Variants in TMTC2 observed in about 807,000 individuals in gnomAD.
The protein encoded by TMTC2 is transmembrane O-mannosyltransferase targeting cadherins 2.
In TMTC2, 43 loss-of-function variants were observed where a neutral mutation model predicts 82.4. That is an observed-to-expected ratio of 0.52 (90% CI 0.41 to 0.67). The LOEUF (loss-of-function observed/expected upper bound fraction) is 0.67. Ranked by LOEUF, TMTC2 falls within the 30% of genes least tolerant of loss-of-function variation. The pLI, the probability that TMTC2 is intolerant of heterozygous loss-of-function variation, is 0.00. For missense variants in TMTC2, 919 were observed against 1,012.4 expected (o/e 0.91, Z 1.25); for synonymous variants, 408 against 381.9 (o/e 1.07, Z -0.80).
intron 4 of TMTC2, among the ~76,000 whole-genome samples, chr12:82,953,833 T>G (rs1380319466): frequency 3.0e-5 from 2 of 67,306 alleles, no homozygotes; most frequent in Non-Finnish European, 5.8e-5. Flanking sequence ...TTATGTTTTA[T>G]CTCTGAGAAA....
intron 8 of TMTC2, among the ~76,000 whole-genome samples, chr12:82,986,853 A>G (rs1398767139): frequency 4.6e-5 from 7 of 152,208 alleles, no homozygotes; most frequent in African/African-American, 1.7e-4. Flanking sequence ...AATAGTGAAT[A>G]GTTTAAAAGT....
At chr12:82,720,562 TC>T (rs577164322) in intron 1 of TMTC2, among the ~76,000 whole-genome samples, 54 of 152,362 alleles carry the variant, frequency 3.5e-4, no homozygotes, top group African/African-American at 1.2e-3. Flanking sequence ...TACAAGTTTT[TC>T]CTTGAAAACC....
intron 11 of TMTC2, among the ~76,000 whole-genome samples, chr12:83,125,728 G>A (rs1372862341): frequency 6.6e-6 from 1 of 152,126 alleles, no homozygotes; most frequent in Non-Finnish European, 1.5e-5. Context: ...GATTTTGAAG[G>A]ATTTCAGATT....
At chr12:82,870,570 C>T (rs138630712) in intron 2 of TMTC2, among the ~76,000 whole-genome samples, 65 of 152,318 alleles carry the variant, frequency 4.3e-4, no homozygotes, top group African/African-American at 1.5e-3. Flanking sequence ...ACTGCACAAA[C>T]TCAGGAGCAA....
chr12:82,993,621 TAGTTA>T (rs1879491961), intron 8 of TMTC2, among the ~76,000 whole-genome samples: 1 of 152,190 alleles, frequency 6.6e-6, no homozygotes, highest in Non-Finnish European at 1.5e-5. Context: ...ATTATATTAT[TAGTTA>T]AGTTTTGGAG....
intron 3 of TMTC2, among the ~76,000 whole-genome samples, chr12:82,920,769 A>T (rs1225000128): frequency 6.6e-6 from 1 of 152,178 alleles, no homozygotes; most frequent in African/African-American, 2.4e-5. Context: ...ATATATGCTT[A>T]GTCTTAGGAT....
At chr12:82,970,764 G>A (rs148174927) in intron 7 of TMTC2, among the ~76,000 whole-genome samples, 7 of 152,328 alleles carry the variant, frequency 4.6e-5, no homozygotes, top group African/African-American at 7.2e-5. Flanking sequence ...CCACAGTTCA[G>A]TGGAGATTCT....
In TMTC2 at chr12:82,963,827, A is replaced by G. The variant is rs1158501008; in HGVS notation, c.1599-1197A>G. On this transcript the variant is annotated intron_variant, in intron 4 of 11. Transcript: ENST00000321196. Reference sequence around the variant, plus strand: ...TATATATATATATATATATATATATATATATATATATATATATATATATGT... The same window carrying G: ...TATATATATATATATATATATATATGTATATATATATATATATATATATGT... Among the ~76,000 whole-genome samples, 82 of 97,630 alleles carry G rather than the reference A, an allele frequency of 8.4e-4. 1 individual carries two copies. The highest frequency in any genetic ancestry group is 4.7e-3 in the African/African-American group (81 of 17,116). 64.0% of individuals were successfully genotyped at this position (97,630 alleles called of 152,430 possible). A position where few individuals can be genotyped will look rare whatever the true frequency, so the allele number is the denominator to read the frequency against.
intron 8 of TMTC2, among the ~76,000 whole-genome samples, chr12:82,996,152 A>C (rs144976790): frequency 2.0e-5 from 3 of 152,336 alleles, no homozygotes; most frequent in African/African-American, 7.2e-5. Flanking sequence ...GCTACTGGTA[A>C]AAAAGATTTA....
At chr12:83,001,804 C>G (rs1308239083) in intron 8 of TMTC2, among the ~76,000 whole-genome samples, 1 of 152,120 alleles carries the variant, frequency 6.6e-6, no homozygotes, top group African/African-American at 2.4e-5. Context: ...CCAACAAGTT[C>G]CTCATCTCCA....
At chr12:83,047,513 T>G (rs1882186852) in intron 9 of TMTC2, among the ~76,000 whole-genome samples, 1 of 152,354 alleles carries the variant, frequency 6.6e-6, no homozygotes, top group East Asian at 1.9e-4. Context: ...ATGATTCACA[T>G]TCCATAATAT....
chr12:82,723,354 A>G (rs1874297972), intron 1 of TMTC2, among the ~76,000 whole-genome samples: 1 of 152,158 alleles, frequency 6.6e-6, no homozygotes, highest in Admixed American at 6.5e-5. Context: ...GAGCCCTGTT[A>G]GTTATGGTTA....
chr12:82,733,456 G>A (rs936992843), intron 1 of TMTC2, among the ~76,000 whole-genome samples: 1 of 152,186 alleles, frequency 6.6e-6, no homozygotes, highest in Admixed American at 6.5e-5. Flanking sequence ...GCTAATTCCT[G>A]TAGTGTGATT....
intron 1 of TMTC2, among the ~76,000 whole-genome samples, chr12:82,691,465 A>G (rs183308092): frequency 1.3e-5 from 2 of 152,220 alleles, no homozygotes; most frequent in East Asian, 2.0e-4. Context: ...TTATAAACAC[A>G]TGAGTTAATT....
chr12:83,032,734 T>A (rs1447248348), intron 9 of TMTC2, among the ~76,000 whole-genome samples: 5 of 151,676 alleles, frequency 3.3e-5, no homozygotes, highest in Non-Finnish European at 5.9e-5. Context: ...TATTTTTTTT[T>A]ATTTTTAGTA....
intron 1 of TMTC2, among the ~76,000 whole-genome samples, chr12:82,839,015 T>G (rs911481188): frequency 4.6e-5 from 7 of 152,188 alleles, no homozygotes; most frequent in African/African-American, 9.6e-5. Context: ...GTGATTCTGT[T>G]ACTGAGGCTG....
intron 11 of TMTC2, among the ~76,000 whole-genome samples, chr12:83,074,658 C>A (rs910446774): frequency 3.9e-5 from 6 of 152,148 alleles, no homozygotes; most frequent in Non-Finnish European, 5.9e-5. Flanking sequence ...AGGTCCCATA[C>A]AAACCAAAGG....
intron 7 of TMTC2, among the ~76,000 whole-genome samples, chr12:82,972,614 G>C (rs1878498544): frequency 6.6e-6 from 1 of 152,108 alleles, no homozygotes; most frequent in African/African-American, 2.4e-5. Context: ...GTATTTTTGA[G>C]AAAGAAACTT....
chr12:82,927,544 G>A (rs1482943946), intron 3 of TMTC2, among the ~76,000 whole-genome samples: 2 of 152,296 alleles, frequency 1.3e-5, no homozygotes, highest in Non-Finnish European at 2.9e-5. Flanking sequence ...AGCAGTTGCA[G>A]GGTTTGAAAG....
Sources: gnomAD v4.1 joint callset for allele counts (sites outside exome capture counted in the v4.1 genomes callset) on GRCh38, gnomAD v4.1.1 for gene constraint, MANE v1.5 for transcripts, NCBI Gene and HGNC (gene_info 2026-07-23, HGNC 2026-07-21) for gene names.